RPL26L1: variants seen among roughly 807,000 people sequenced by gnomAD.
The protein encoded by RPL26L1 is ribosomal protein L26 like 1.
In RPL26L1, 8 loss-of-function variants were observed where a neutral mutation model predicts 15.2. The ratio of observed to expected loss-of-function variants is 0.53; its 90% CI spans 0.31 to 0.95. The LOEUF is 0.95. RPL26L1 is among the 40% of genes least tolerant of loss of function. RPL26L1 has a pLI of 0.05. For missense variants in RPL26L1, 146 were observed against 190.9 expected (o/e 0.76, Z 1.39); for synonymous variants, 51 against 65.9 (o/e 0.77, Z 1.09).
intron 2 of RPL26L1, among the ~76,000 whole-genome samples, chr5:172,965,297 G>A (rs1755411623): frequency 6.6e-6 from 1 of 152,124 alleles, no homozygotes. Flanking sequence ...TTCTTTCTCT[G>A]TAGTTTCTTT....
chr5:172,955,134 T>G, upstream of RPL26L1: 3 of 270,896 alleles, frequency 1.1e-5, no homozygotes, highest in East Asian at 9.5e-5. Flanking sequence ...GGTTAGTTTT[T>G]TTTTTTTTTT....
upstream of RPL26L1, chr5:172,958,687 G>A (rs1239224503): frequency 4.1e-6 from 1 of 241,490 alleles, no homozygotes; most frequent in Admixed American, 4.3e-5. Context: ...CCTAGCCAGT[G>A]GTTGGGTGGC....
upstream of RPL26L1, among the ~76,000 whole-genome samples, chr5:172,954,291 C>G (rs1348044548): frequency 1.3e-5 from 2 of 152,046 alleles, no homozygotes. Context: ...TTTGGGAGGC[C>G]GGACGCGATG....
intron 2 of RPL26L1, among the ~76,000 whole-genome samples, chr5:172,965,366 C>T (rs1169886486): frequency 6.6e-6 from 1 of 152,150 alleles, no homozygotes; most frequent in Non-Finnish European, 1.5e-5. Context: ...CATGTTTTCC[C>T]TTCTTTAAAA....
At chr5:172,967,213 C>T (rs1755491620) in intron 2 of RPL26L1, among the ~76,000 whole-genome samples, 1 of 151,638 alleles carries the variant, frequency 6.6e-6, no homozygotes, top group South Asian at 2.1e-4. Flanking sequence ...ACCTGTAATC[C>T]CAGCACTTTG....
chr5:172,967,005 ACCACCACGCCC>A (rs1408546648), intron 2 of RPL26L1, among the ~76,000 whole-genome samples: 2 of 151,598 alleles, frequency 1.3e-5, no homozygotes, highest in East Asian at 4.0e-4. Flanking sequence ...ACAGGCGCCC[ACCACCACGCCC>A]AGCTAATTTT....
At chr5:172,955,089 G>A, upstream of RPL26L1, 1 of 453,204 alleles carries the variant, frequency 2.2e-6, no homozygotes, top group Non-Finnish European at 4.4e-6. Flanking sequence ...GGGAAGAAAT[G>A]GGGTGTGGCA....
chr5:172,961,665 G>A (rs760379135), intron 2 of RPL26L1, among the ~76,000 whole-genome samples: 2 of 152,144 alleles, frequency 1.3e-5, no homozygotes, highest in East Asian at 1.9e-4. Context: ...TAATCCCTTC[G>A]TGACTGAATC....
chr5:172,963,192 A>G (rs1755311061), intron 2 of RPL26L1, among the ~76,000 whole-genome samples: 1 of 152,078 alleles, frequency 6.6e-6, no homozygotes, highest in African/African-American at 2.4e-5. Flanking sequence ...AGCCTGGCCA[A>G]CATGGTGAAA....
rs185933590 is a variant in RPL26L1, at chr5:172,963,214, C to G, written c.168+3173C>G. Among the ~76,000 whole-genome samples the G allele has an allele frequency of 2.5e-3, 385 of 151,982 alleles. 1 individual carries two copies. Among genetic ancestry groups the G allele is most frequent in the Non-Finnish European group, 4.2e-3 (283 of 67,986 alleles). On this transcript the variant is annotated intron_variant, in intron 2 of 3. Transcript: ENST00000265100. ...CCAACATGGTGAAACCCCACCTCTA[C>G]TAGAAATACAAAAATTAGGTGTGGT... is the stretch of plus-strand genomic sequence containing the variant.
intron 2 of RPL26L1, among the ~76,000 whole-genome samples, chr5:172,963,829 AT>A (rs1755341958): frequency 6.6e-6 from 1 of 152,210 alleles, no homozygotes; most frequent in South Asian, 2.1e-4. Flanking sequence ...TAAAAAGACC[AT>A]TTTTAATCAT....
chr5:172,956,504 G>A (rs767145167), upstream of RPL26L1, among the ~76,000 whole-genome samples: 18 of 152,176 alleles, frequency 1.2e-4, no homozygotes, highest in Non-Finnish European at 2.4e-4. Context: ...GGTAATGCTT[G>A]TAAACCTGTT....
upstream of RPL26L1, among the ~76,000 whole-genome samples, chr5:172,956,758 T>C (rs1393750805): frequency 6.6e-6 from 1 of 151,908 alleles, no homozygotes; most frequent in Non-Finnish European, 1.5e-5. Flanking sequence ...ACCAACATGG[T>C]GAAACCCTGT....
chr5:172,962,379 A>T (rs61172650), intron 2 of RPL26L1, among the ~76,000 whole-genome samples: 9,229 of 152,078 alleles, frequency 0.061, 629 homozygotes, highest in African/African-American at 0.17. Flanking sequence ...GTGGTGGTGC[A>T]CACCTGTAAT....
At chr5:172,954,755 G>T, upstream of RPL26L1, 4 of 363,530 alleles carry the variant, frequency 1.1e-5, no homozygotes, top group East Asian at 2.2e-4. Flanking sequence ...GGTCATTGTC[G>T]AATGTGTTTT....
upstream of RPL26L1, chr5:172,958,264 CAAAAAAAAA>C (rs5873347): frequency 3.5e-6 from 1 of 286,782 alleles, no homozygotes; most frequent in Admixed American, 4.3e-5. Context: ...AACTCTATCT[CAAAAAAAAA>C]AAAAAAAAAA....
upstream of RPL26L1, chr5:172,958,311 A>G (rs1232421558): frequency 2.2e-6 from 1 of 445,062 alleles, no homozygotes; most frequent in Non-Finnish European, 4.5e-6. Context: ...GCAGGTGTTT[A>G]ACAATGTCAC....
chr5:172,968,803 C>CTTTTTTTTTTTTTTTTTTTTT lies in RPL26L1; in HGVS notation c.309+207_309+227dup, dbSNP rs539398008. On this transcript the variant is annotated intron_variant, in intron 3 of 3. Transcript: ENST00000265100. ...TTGCCTTTCTTGGTGATGGCTGTGT[C>CTTTTTTTTTTTTTTTTTTTTT]TTTTTTTTTTTTTTTTTTTTTTTGA... Among the ~76,000 whole-genome samples the CTTTTTTTTTTTTTTTTTTTTT allele has an allele frequency of 1.2e-4, 9 of 74,366 alleles. 2 individuals are homozygous for CTTTTTTTTTTTTTTTTTTTTT. The highest frequency in any genetic ancestry group is 1.6e-4 in the Non-Finnish European group (7 of 44,044). The allele number at this position is 74,366 out of a possible 152,430, so 48.8% of individuals were successfully genotyped here.
chr5:172,960,068 G>T (rs1480890553), intron 2 of RPL26L1, 27 bp downstream of exon 2: 2 of 1,613,270 alleles, frequency 1.2e-6, no homozygotes, highest in Admixed American at 1.7e-5. Context: ...CGCTAGTGGC[G>T]CTCGGACACC....
Sources: gnomAD v4.1 joint callset for allele counts (sites outside exome capture counted in the v4.1 genomes callset) on GRCh38, gnomAD v4.1.1 for gene constraint, MANE v1.5 for transcripts, NCBI Gene and HGNC (gene_info 2026-07-23, HGNC 2026-07-21) for gene names.